Variants in CPPED1 observed in about 807,000 individuals in gnomAD.
CPPED1 encodes the protein calcineurin like phosphoesterase domain containing 1, also known as serine/threonine-protein phosphatase CPPED1.
In CPPED1, 28 loss-of-function variants were observed where a neutral mutation model predicts 28.0. The observed-to-expected ratio is 1.00, with a 90% confidence interval of 0.74 to 1.37. The LOEUF (loss-of-function observed/expected upper bound fraction) is 1.37. Among genes scored for constraint, CPPED1 ranks in the 40% most tolerant of loss-of-function variants. CPPED1 has a pLI of 0.00. For synonymous variants in CPPED1, 198 were observed against 180.2 expected (o/e 1.10, Z -0.79); for missense variants, 504 against 416.5 (o/e 1.21, Z -1.83).
intron 2 of CPPED1, among the ~76,000 whole-genome samples, chr16:12,772,561 T>C (rs898324825): frequency 3.9e-5 from 6 of 152,238 alleles, no homozygotes; most frequent in African/African-American, 1.2e-4. Context: ...CTAAATTCAA[T>C]TCCATTTTCA....
At chr16:12,789,760 C>G (rs557466196) in intron 1 of CPPED1, among the ~76,000 whole-genome samples, 1 of 152,096 alleles carries the variant, frequency 6.6e-6, no homozygotes, top group African/African-American at 2.4e-5. Context: ...CTCCTGAGCT[C>G]GAGTGATCAG....
intron 3 of CPPED1, among the ~76,000 whole-genome samples, chr16:12,687,187 T>G (rs1439614306): frequency 6.6e-6 from 1 of 152,208 alleles, no homozygotes; most frequent in African/African-American, 2.4e-5. Flanking sequence ...GCATCCTTCT[T>G]ATAATATTAT....
At chr16:12,728,915 G>C (rs1208877903) in intron 2 of CPPED1, among the ~76,000 whole-genome samples, 1 of 152,176 alleles carries the variant, frequency 6.6e-6, no homozygotes, top group Non-Finnish European at 1.5e-5. Context: ...GACAAACGGT[G>C]AGCTCACTGG....
At chr16:12,700,344 G>C (rs1208044275) in intron 3 of CPPED1, among the ~76,000 whole-genome samples, 6 of 152,218 alleles carry the variant, frequency 3.9e-5, no homozygotes, top group Non-Finnish European at 8.8e-5. Context: ...CTGGGGACCA[G>C]AGCAGAGAGA....
intron 3 of CPPED1, among the ~76,000 whole-genome samples, chr16:12,680,553 G>C (rs1457876525): frequency 6.6e-6 from 1 of 152,164 alleles, no homozygotes; most frequent in Non-Finnish European, 1.5e-5. Flanking sequence ...CAGCTTCTCA[G>C]AGAGCATCCA....
At chr16:12,793,513 G>A (rs1224293810) in intron 1 of CPPED1, among the ~76,000 whole-genome samples, 2 of 152,140 alleles carry the variant, frequency 1.3e-5, no homozygotes, top group Non-Finnish European at 2.9e-5. Flanking sequence ...GTGACATGAT[G>A]CAAGTTCCTG....
chr16:12,676,849 T>G (rs1349025912), intron 3 of CPPED1, among the ~76,000 whole-genome samples: 1 of 152,200 alleles, frequency 6.6e-6, no homozygotes, highest in East Asian at 1.9e-4. Context: ...CTCATTTAAT[T>G]CCCACAATTC....
chr16:12,726,339 CCT>C (rs1491127590), intron 2 of CPPED1, among the ~76,000 whole-genome samples: 1 of 96,832 alleles, frequency 1.0e-5, no homozygotes, highest in East Asian at 2.8e-4. Context: ...TGCACCCAGC[CCT>C]TTTTTTTTTT....
At chr16:12,785,893 C>T (rs1000213492) in intron 1 of CPPED1, among the ~76,000 whole-genome samples, 1 of 151,340 alleles carries the variant, frequency 6.6e-6, no homozygotes, top group Non-Finnish European at 1.5e-5. Flanking sequence ...AACTGAGGTC[C>T]ACTCCTGAAG....
intron 3 of CPPED1, among the ~76,000 whole-genome samples, chr16:12,698,236 G>T (rs2080002253): frequency 6.6e-6 from 1 of 152,206 alleles, no homozygotes; most frequent in Admixed American, 6.5e-5. Flanking sequence ...CCTATTGGGG[G>T]GCTACTATAT....
chr16:12,752,963 A>G (rs1352955194), intron 2 of CPPED1: 2 of 151,612 alleles, frequency 1.3e-5, no homozygotes. Context: ...CTCTCTAGCC[A>G]TAAACTCCAA....
chr16:12,700,769 A>C (rs1001546487), intron 3 of CPPED1, among the ~76,000 whole-genome samples: 1 of 152,188 alleles, frequency 6.6e-6, no homozygotes, highest in African/African-American at 2.4e-5. Context: ...AGGTCTCCCA[A>C]CTGCATAGCT....
rs1440782085 is a variant in CPPED1 at position 12,663,554 on chromosome 16, T to C, written c.*1332A>G. 2.6e-5 allele frequency: 4 copies of C among 152,378 alleles called. No homozygotes were observed. In the East Asian group the frequency reaches 7.7e-4, roughly 29 times the overall value. The allele number at this position is 152,378 out of a possible 1,614,324, so 9.4% of individuals were successfully genotyped here. ...GAACTCTGGTGTCACCAGCCTATTG[T>C]ATAATTAACTTCTCGTCTTTTGTTC... On this transcript the variant is annotated 3_prime_UTR_variant, in exon 4 of 4. Coordinates refer to ENST00000381774, the MANE Select transcript of CPPED1 (RefSeq NM_018340.3).
chr16:12,757,101 G>A (rs769793602), intron 2 of CPPED1, among the ~76,000 whole-genome samples: 1 of 151,826 alleles, frequency 6.6e-6, no homozygotes, highest in Non-Finnish European at 1.5e-5. Context: ...CACCTTGAGG[G>A]TGACCAACTA....
intron 2 of CPPED1, among the ~76,000 whole-genome samples, chr16:12,758,685 T>C (rs905824276): frequency 2.0e-5 from 3 of 152,164 alleles, no homozygotes; most frequent in Admixed American, 1.3e-4. Context: ...TGGCAAGAGA[T>C]GAAAGCCTGG....
intron 2 of CPPED1, among the ~76,000 whole-genome samples, chr16:12,766,402 C>T (rs181937707): frequency 7.2e-5 from 11 of 151,728 alleles, no homozygotes; most frequent in Admixed American, 3.3e-4. Flanking sequence ...TACAGCTTCA[C>T]GTGGCTGGGA....
chr16:12,736,244 T>C (rs1378100810), intron 2 of CPPED1, among the ~76,000 whole-genome samples: 5 of 151,088 alleles, frequency 3.3e-5, no homozygotes, highest in Admixed American at 2.6e-4. Context: ...TAAACACCTT[T>C]GGATTTTTTT....
At chr16:12,694,733 G>GC (rs899364895) in intron 3 of CPPED1, among the ~76,000 whole-genome samples, 2 of 80,080 alleles carry the variant, frequency 2.5e-5, no homozygotes, top group African/African-American at 6.0e-5. Context: ...AAAAAAGGTG[G>GC]GGGGGGGGGC....
intron 3 of CPPED1, among the ~76,000 whole-genome samples, chr16:12,698,693 A>G (rs141319861): frequency 0.018 from 2,763 of 152,280 alleles, 52 homozygotes; most frequent in East Asian, 0.1. Flanking sequence ...GGCCTCCCAA[A>G]GTGCCGGGAT....
Sources: gnomAD v4.1 joint callset for allele counts (sites outside exome capture counted in the v4.1 genomes callset) on GRCh38, gnomAD v4.1.1 for gene constraint, MANE v1.5 for transcripts, NCBI Gene and HGNC (gene_info 2026-07-23, HGNC 2026-07-21) for gene names.